Variants in FZD3 observed in about 807,000 individuals in gnomAD.
The protein encoded by FZD3 is frizzled-3.
Under a neutral mutation model 60.7 loss-of-function variants are expected in FZD3, and 30 were observed. The ratio of observed to expected loss-of-function variants is 0.49; its 90% CI spans 0.37 to 0.67. The LOEUF (loss-of-function observed/expected upper bound fraction) is 0.67, where lower values mean the gene tolerates loss of function less well. Among genes scored for constraint, FZD3 ranks in the 30% least tolerant of loss-of-function variants. FZD3 has a pLI of 0.00. For missense variants in FZD3, 605 were observed against 838.7 expected, an observed-to-expected ratio of 0.72 and a Z score of 3.44; for synonymous variants, 246 against 275.2, an observed-to-expected ratio of 0.89 and a Z score of 1.05.
chr8:28,505,670 T>A (rs1804119792), intron 3 of FZD3, among the ~76,000 whole-genome samples: 1 of 152,192 alleles, frequency 6.6e-6, no homozygotes, highest in Admixed American at 6.5e-5. Flanking sequence ...TCCTTTACTG[T>A]TTTGTGAGTT....
chr8:28,556,579 A>G (rs1049862647), intron 7 of FZD3, among the ~76,000 whole-genome samples: 39 of 152,240 alleles, frequency 2.6e-4, no homozygotes, highest in African/African-American at 8.2e-4. Context: ...GTATGACAGT[A>G]TAGTTCAGGA....
At chr8:28,507,295 T>C (rs1462435103) in intron 3 of FZD3, among the ~76,000 whole-genome samples, 1 of 152,204 alleles carries the variant, frequency 6.6e-6, no homozygotes, top group Non-Finnish European at 1.5e-5. Context: ...GAGTTTCCCA[T>C]AGTCTTTATT....
chr8:28,542,691 C>T (rs1208968854), intron 5 of FZD3, among the ~76,000 whole-genome samples: 2 of 152,032 alleles, frequency 1.3e-5, no homozygotes, highest in Admixed American at 1.3e-4. Context: ...TACCACACCA[C>T]ACCCACACAC....
chr8:28,551,281 C>G (rs979490710), intron 5 of FZD3, among the ~76,000 whole-genome samples: 1 of 152,160 alleles, frequency 6.6e-6, no homozygotes, highest in African/African-American at 2.4e-5. Context: ...CCTGTAATCC[C>G]AGCACTTTGG....
Position 28,564,081 on chromosome 8 carries a change from T to G in FZD3, c.*1070T>G, listed in dbSNP as rs916937084. On this transcript the variant is annotated 3_prime_UTR_variant, in exon 8 of 8. Coordinates refer to ENST00000240093, the MANE Select transcript of FZD3 (RefSeq NM_017412.4). Reference sequence around the variant, plus strand: ...CCCTTATTTTCAGATTCTGGATCATTCTTGTTTACAACTGAAATATATATA... The same window carrying G: ...CCCTTATTTTCAGATTCTGGATCATGCTTGTTTACAACTGAAATATATATA... 2 of 152,608 alleles carry G rather than the reference T, an allele frequency of 1.3e-5. No homozygotes were observed. Among genetic ancestry groups the G allele is most frequent in the African/African-American group, 4.8e-5 (2 of 41,436 alleles). The allele number at this position is 152,608 out of a possible 1,614,324, so 9.5% of individuals were successfully genotyped here.
intron 3 of FZD3, among the ~76,000 whole-genome samples, chr8:28,514,914 A>G (rs1804384801): frequency 1.3e-5 from 2 of 152,260 alleles, no homozygotes; most frequent in East Asian, 1.9e-4. Flanking sequence ...GGTTATTAAG[A>G]CCATTTTACA....
rs562550070 is a variant in FZD3 at position 28,551,611 on chromosome 8, A to G, written c.1413A>G (p.Gln471=). ...YHIPCPYQVT[Q]MSRPDLILFL... ...TCTTTCTGTTCTTCCAGGTTACTCA[A>G]ATGAGTCGTCCAGACTTGATTCTCT... Residue 471 remains glutamine, a synonymous_variant, in exon 6 of 8, where the codon CAA becomes CAG. Coordinates refer to ENST00000240093, the MANE Select transcript of FZD3 (RefSeq NM_017412.4). The G allele has an allele frequency of 3.1e-6, 5 of 1,604,308 alleles. No individual in the cohort carries two copies. Among genetic ancestry groups the G allele is most frequent in the East Asian group, 4.5e-5 (2 of 44,764 alleles).
At chr8:28,534,242 C>T (rs1804953625) in intron 5 of FZD3, among the ~76,000 whole-genome samples, 1 of 152,124 alleles carries the variant, frequency 6.6e-6, no homozygotes, top group African/African-American at 2.4e-5. Context: ...ATTATGTATA[C>T]GTTCTCATTT....
rs945023375 is a variant in FZD3, at chr8:28,494,260, C to T, written c.-474C>T. The T allele has an allele frequency of 4.6e-5, 7 of 151,864 alleles. No individual in the cohort carries two copies. Among genetic ancestry groups the T allele is most frequent in the African/African-American group, 1.7e-4 (7 of 41,394 alleles). The allele number at this position is 151,864 out of a possible 1,614,324, so 9.4% of individuals were successfully genotyped here. A position where few individuals can be genotyped will look rare whatever the true frequency, so the allele number is the denominator to read the frequency against. On this transcript the variant is annotated 5_prime_UTR_variant, in exon 1 of 8. Coordinates refer to ENST00000240093, the MANE Select transcript of FZD3 (RefSeq NM_017412.4). ...GGCGCGCGCCGGCGTTCCTCGGCCG[C>T]TCCGGGTACCTGAGGGACGCGCGGC...
chr8:28,508,040 C>T (rs1367058251), intron 3 of FZD3, among the ~76,000 whole-genome samples: 1 of 152,096 alleles, frequency 6.6e-6, no homozygotes, highest in Non-Finnish European at 1.5e-5. Context: ...AGGTACATGC[C>T]ATCATGCCTG....
At chr8:28,505,992 A>G (rs565169625) in intron 3 of FZD3, among the ~76,000 whole-genome samples, 4 of 152,354 alleles carry the variant, frequency 2.6e-5, no homozygotes, top group South Asian at 4.1e-4. Context: ...TGTTAACTTG[A>G]CGTTCTCTTT....
intron 5 of FZD3, among the ~76,000 whole-genome samples, chr8:28,543,184 T>G (rs1463913224): frequency 6.6e-6 from 1 of 152,238 alleles, no homozygotes; most frequent in East Asian, 1.9e-4. Context: ...CTTTTTTCAT[T>G]ACAATTCTTA....
At chr8:28,560,386 A>C (rs566587195) in intron 7 of FZD3, among the ~76,000 whole-genome samples, 72 of 152,352 alleles carry the variant, frequency 4.7e-4, no homozygotes, top group African/African-American at 1.5e-3. Flanking sequence ...TATACAGTTG[A>C]GATTAAACAG....
Position 28,573,055 on chromosome 8 carries a change from G to T in FZD3, c.*10044G>T, listed in dbSNP as rs1217444095. The T allele has an allele frequency of 6.6e-6, 1 of 152,058 alleles. No individual in the cohort carries two copies. Among genetic ancestry groups the T allele is most frequent in the Non-Finnish European group, 1.5e-5 (1 of 67,998 alleles). The allele number at this position is 152,058 out of a possible 1,614,324, so 9.4% of individuals were successfully genotyped here. A position where few individuals can be genotyped will look rare whatever the true frequency, so the allele number is the denominator to read the frequency against. ...TTTTATAGTGGAGAAAGGTTACTTTGATCTCTCAATAATTGCTTGGTACAC... is the reference window on the plus strand; with the variant it reads ...TTTTATAGTGGAGAAAGGTTACTTTTATCTCTCAATAATTGCTTGGTACAC... On this transcript the variant is annotated 3_prime_UTR_variant, in exon 8 of 8. Transcript: ENST00000240093.
Position 28,562,791 on chromosome 8 carries a change from A to G in FZD3, c.1788-7A>G. On this transcript the variant is annotated splice_polypyrimidine_tract_variant and splice_region_variant and intron_variant, in intron 7 of 7. Coordinates refer to ENST00000240093, the MANE Select transcript of FZD3 (RefSeq NM_017412.4). Reference sequence around the variant, plus strand: ...GTTACCCACTTCAAAATAAACTCTCATGACAGGTACACGCCCTGCAGTTAC... The same window carrying G: ...GTTACCCACTTCAAAATAAACTCTCGTGACAGGTACACGCCCTGCAGTTAC... 6.4e-7 allele frequency: 1 copy of G among 1,566,024 alleles called. No homozygotes were observed. Among genetic ancestry groups the G allele is most frequent in the South Asian group, 1.1e-5 (1 of 88,262 alleles).
chr8:28,536,564 C>T lies in FZD3; in HGVS notation c.1404+8400C>T, dbSNP rs111526099. The stretch of plus-strand genomic sequence containing the variant: ...CTGTACTAAAAATACAAAAATTAGC[C>T]GGGCTGTGGTGGCACACGCCTATAA... On this transcript the variant is annotated intron_variant, in intron 5 of 7. Transcript: ENST00000240093. Among the ~76,000 whole-genome samples the T allele has an allele frequency of 1.8e-4, 28 of 152,140 alleles. 1 individual carries two copies. The highest frequency in any genetic ancestry group is 5.8e-4 in the African/African-American group (24 of 41,504).
At chr8:28,548,602 C>T (rs1212788733) in intron 5 of FZD3, among the ~76,000 whole-genome samples, 1 of 152,230 alleles carries the variant, frequency 6.6e-6, no homozygotes, top group Non-Finnish European at 1.5e-5. Flanking sequence ...ATGTTACTTA[C>T]TTAAATACTG....
chr8:28,499,803 T>C (rs1159024559), intron 1 of FZD3, 130 bp from the exon 2 acceptor site: 1 of 152,194 alleles, frequency 6.6e-6, no homozygotes, highest in African/African-American at 2.4e-5. Context: ...GTATTTCTTT[T>C]GTAAATTTAT....
At position 28,532,430 on chromosome 8, in the gene FZD3, T is replaced by A. The variant is rs572441278; in HGVS notation, c.1404+4266T>A. Among the ~76,000 whole-genome samples, 10 of 152,280 alleles carry A rather than the reference T, an allele frequency of 6.6e-5. No individual in the cohort carries two copies. The South Asian group carries it at 2.1e-3, about 32-fold the overall frequency. ...GTGTACAGGCATGCCATTTAAAAAA[T>A]TTTTAATTTATTTATTGTGACAAAG... is the stretch of plus-strand genomic sequence containing the variant. On this transcript the variant is annotated intron_variant, in intron 5 of 7. Transcript: ENST00000240093.
Sources: allele counts gnomAD v4.1 joint callset (sites outside exome capture counted in the v4.1 genomes callset), GRCh38; gene constraint gnomAD v4.1.1; transcripts MANE v1.5; gene names NCBI Gene and HGNC (gene_info 2026-07-23, HGNC 2026-07-21).